Variants in PRKN observed in about 807,000 individuals in gnomAD.
PRKN encodes parkin RBR E3 ubiquitin protein ligase.
PRKN carries 56 observed loss-of-function variants against 59.5 expected under a neutral mutation model. The ratio of observed to expected loss-of-function variants is 0.94; its 90% confidence interval spans 0.76 to 1.18. The LOEUF is 1.18. Among genes scored for constraint, PRKN ranks in the 50% most tolerant of loss-of-function variants. The probability of loss-of-function intolerance (pLI) is 0.00; values close to 1 mark genes in which losing one functional copy is unlikely to be tolerated. For missense variants in PRKN, 657 were observed against 596.4 expected, an observed-to-expected ratio of 1.10 and a Z score of -1.06; for synonymous variants, 250 against 222.1, an observed-to-expected ratio of 1.13 and a Z score of -1.12.
chr6:162,538,071 G>A (rs912344802), intron 1 of PRKN, among the ~76,000 whole-genome samples: 1 of 152,180 alleles, frequency 6.6e-6, no homozygotes, highest in African/African-American at 2.4e-5. Flanking sequence ...TCATGTAAGA[G>A]CAAAATATAA....
chr6:161,757,845 C>G (rs1009674716), intron 7 of PRKN, among the ~76,000 whole-genome samples: 5 of 84,984 alleles, frequency 5.9e-5, no homozygotes, highest in Non-Finnish European at 8.6e-5. Context: ...CTCTCTCTCT[C>G]TCTCTCTCTC....
intron 2 of PRKN, among the ~76,000 whole-genome samples, chr6:162,387,565 G>GAGAC (rs1786914358): frequency 8.6e-6 from 1 of 115,974 alleles, no homozygotes; most frequent in Non-Finnish European, 1.8e-5. Flanking sequence ...CAGAGAGAGA[G>GAGAC]AGAGAGAGAG....
chr6:161,531,602 T>A (rs1320916061), intron 9 of PRKN, among the ~76,000 whole-genome samples: 1 of 152,032 alleles, frequency 6.6e-6, no homozygotes, highest in Non-Finnish European at 1.5e-5. Context: ...AAGGAGAAGA[T>A]TTTCTCTTTA....
chr6:162,408,094 T>C (rs187956467), intron 2 of PRKN, among the ~76,000 whole-genome samples: 60 of 152,306 alleles, frequency 3.9e-4, no homozygotes, highest in African/African-American at 1.4e-3. Context: ...ATAAAATTCC[T>C]ACTCTCATAT....
At chr6:162,713,493 CAAAAAA>C (rs373942233) in intron 1 of PRKN, among the ~76,000 whole-genome samples, 1 of 80,898 alleles carries the variant, frequency 1.2e-5, no homozygotes, top group African/African-American at 5.2e-5. Flanking sequence ...GACTCCACCT[CAAAAAA>C]AAAAAAAAAA....
intron 9 of PRKN, among the ~76,000 whole-genome samples, chr6:161,392,169 C>T (rs1786538902): frequency 6.6e-6 from 1 of 151,814 alleles, no homozygotes; most frequent in Non-Finnish European, 1.5e-5. Context: ...GAACCCTGAC[C>T]TCGTGATCCG....
intron 1 of PRKN, among the ~76,000 whole-genome samples, chr6:162,466,837 G>A (rs1302787727): frequency 2.0e-5 from 3 of 151,518 alleles, no homozygotes; most frequent in Admixed American, 1.3e-4. Context: ...AAGGCTAGGT[G>A]GATTTGGGTA....
At chr6:161,889,856 A>ATT in intron 6 of PRKN, among the ~76,000 whole-genome samples, 1 of 152,336 alleles carries the variant, frequency 6.6e-6, no homozygotes, top group East Asian at 1.9e-4. Flanking sequence ...ACAGCTTCCA[A>ATT]TTATCTGTAA....
chr6:161,721,352 G>A (rs529316503), intron 7 of PRKN, among the ~76,000 whole-genome samples: 8 of 152,262 alleles, frequency 5.3e-5, no homozygotes, highest in East Asian at 3.9e-4. Context: ...ATTTAGGACC[G>A]ATGTGAGGGT....
rs1785630788 is a variant in PRKN at position 162,369,483 on chromosome 6, A to G, written c.171+73827T>C. Among the ~76,000 whole-genome samples the G allele has an allele frequency of 3.3e-5, 5 of 152,354 alleles. 1 individual carries two copies. In the Middle Eastern group the frequency reaches 0.017, roughly 518 times the overall value. Reference sequence around the variant, plus strand: ...ATGTCTTTTAAAAAATATTTAGATCATTAGCCAATTTGTGTGGGTGATACA... The same window carrying G: ...ATGTCTTTTAAAAAATATTTAGATCGTTAGCCAATTTGTGTGGGTGATACA... On this transcript the variant is annotated intron_variant, in intron 2 of 11. Coordinates refer to ENST00000366898, the MANE Select transcript of PRKN (RefSeq NM_004562.3).
At chr6:161,965,605 C>T (rs1383923758) in intron 6 of PRKN, among the ~76,000 whole-genome samples, 1 of 151,946 alleles carries the variant, frequency 6.6e-6, no homozygotes, top group Non-Finnish European at 1.5e-5. Context: ...CTCAGGAGGT[C>T]CTGAGAACAT....
At chr6:161,894,600 T>G (rs1583309786) in intron 6 of PRKN, among the ~76,000 whole-genome samples, 1 of 152,184 alleles carries the variant, frequency 6.6e-6, no homozygotes, top group East Asian at 1.9e-4. Context: ...CATGCATTTC[T>G]CCATGTCTGG....
chr6:161,636,377 G>C (rs1230089833), intron 7 of PRKN, among the ~76,000 whole-genome samples: 1 of 152,248 alleles, frequency 6.6e-6, no homozygotes, highest in Non-Finnish European at 1.5e-5. Context: ...CCTCTCGCAA[G>C]GGGGCTGTCC....
intron 3 of PRKN, among the ~76,000 whole-genome samples, chr6:162,255,216 G>A (rs961982109): frequency 1.3e-5 from 2 of 152,116 alleles, no homozygotes; most frequent in Non-Finnish European, 2.9e-5. Context: ...AATTCAGGCA[G>A]GTAGCCCTGG....
intron 1 of PRKN, among the ~76,000 whole-genome samples, chr6:162,557,138 A>G (rs1182219732): frequency 6.6e-6 from 1 of 152,246 alleles, no homozygotes; most frequent in African/African-American, 2.4e-5. Context: ...CCTTTTGCCC[A>G]ATGTGAACAT....
chr6:162,323,450 AT>A (rs35393424), intron 2 of PRKN, among the ~76,000 whole-genome samples: 92,005 of 151,558 alleles, frequency 0.61, 28,345 homozygotes, highest in Middle Eastern at 0.65. Flanking sequence ...AAATTTAAAG[AT>A]TTTTTTAAAA....
intron 4 of PRKN, among the ~76,000 whole-genome samples, chr6:162,189,917 C>T (rs1356877833): frequency 6.6e-6 from 1 of 151,972 alleles, no homozygotes; most frequent in Non-Finnish European, 1.5e-5. Flanking sequence ...TAAATTATGG[C>T]CATCTCTGAG....
At chr6:162,363,761 C>A (rs1458255842) in intron 2 of PRKN, among the ~76,000 whole-genome samples, 1 of 152,152 alleles carries the variant, frequency 6.6e-6, no homozygotes, top group Non-Finnish European at 1.5e-5. Context: ...GAGATACAGT[C>A]CTCTTTGGGC....
intron 5 of PRKN, among the ~76,000 whole-genome samples, chr6:162,052,894 A>G (rs928178263): frequency 2.0e-5 from 3 of 152,102 alleles, no homozygotes; most frequent in African/African-American, 7.2e-5. Context: ...TGTATATATA[A>G]TTATATTATT....
Sources: allele counts gnomAD v4.1 joint callset (sites outside exome capture counted in the v4.1 genomes callset), GRCh38; gene constraint gnomAD v4.1.1; transcripts MANE v1.5; gene names NCBI Gene and HGNC (gene_info 2026-07-23, HGNC 2026-07-21).